PARP16: variants seen among roughly 807,000 people sequenced by gnomAD.
The protein encoded by PARP16 is protein mono-ADP-ribosyltransferase PARP16.
PARP16 carries 31 observed loss-of-function variants against 35.0 expected under a neutral mutation model. The ratio of observed to expected loss-of-function variants is 0.88; its 90% CI spans 0.66 to 1.19. The LOEUF is 1.19. PARP16 is among the 50% of genes most tolerant of loss of function. The probability of loss-of-function intolerance (pLI) is 0.00; values close to 1 mark genes in which losing one functional copy is unlikely to be tolerated. For synonymous variants in PARP16, 162 were observed against 169.5 expected (o/e 0.96, Z 0.34); for missense variants, 424 against 411.2 (o/e 1.03, Z -0.27).
intron 2 of PARP16, 78 bp from the exon 3 acceptor site, chr15:65,266,846 A>C: frequency 1.1e-5 from 11 of 1,004,908 alleles, no homozygotes; most frequent in Non-Finnish European, 1.4e-5. Context: ...CTAAACTCTC[A>C]GGCTTAACTC....
downstream of PARP16, among the ~76,000 whole-genome samples, chr15:65,254,401 C>A (rs765261657): frequency 2.6e-5 from 4 of 152,142 alleles, no homozygotes; most frequent in Non-Finnish European, 4.4e-5. Flanking sequence ...CCAGATCAGG[C>A]TAGAGGCAGC....
rs1057155467 is a variant in PARP16, at chr15:65,286,507, C to T, written c.-81G>A. Reference sequence around the variant, plus strand: ...GTGCGTTCAGCGCGGGGGCTGGGCCCGCGGACAATGGGCCGTCAGGGGCCG... The same window carrying T: ...GTGCGTTCAGCGCGGGGGCTGGGCCTGCGGACAATGGGCCGTCAGGGGCCG... On this transcript the variant is annotated 5_prime_UTR_variant, in exon 1 of 6. Transcript: ENST00000649807. 6 of 1,133,214 alleles carry T rather than the reference C, an allele frequency of 5.3e-6. No homozygotes were observed. The African/African-American group carries it at 6.6e-5, about 12-fold the overall frequency. The allele number at this position is 1,133,214 out of a possible 1,614,324, so 70.2% of individuals were successfully genotyped here. A position where few individuals can be genotyped will look rare whatever the true frequency, so the allele number is the denominator to read the frequency against.
At chr15:65,262,134 CTTT>C (rs958810685) in intron 4 of PARP16, among the ~76,000 whole-genome samples, 4 of 132,242 alleles carry the variant, frequency 3.0e-5, no homozygotes, top group Admixed American at 7.7e-5. Flanking sequence ...TTTTTTCTTT[CTTT>C]TTTTTTTTTT....
At chr15:65,261,175 C>A in intron 4 of PARP16, 149 bp from the exon 5 acceptor site, 4 of 578,332 alleles carry the variant, frequency 6.9e-6, no homozygotes, top group South Asian at 6.4e-5. Flanking sequence ...TGAAGCAGCA[C>A]TGAAAAAAAC....
rs200911696 is a variant in PARP16 at position 65,266,715 on chromosome 15, C to A, written c.366G>T (p.Pro122=). 5 of 1,613,906 alleles carry A rather than the reference C, an allele frequency of 3.1e-6. No individual in the cohort carries two copies. In the African/African-American group the frequency reaches 6.7e-5, roughly 22 times the overall value. The part of the protein sequence containing the change: ...TGAPHTPVPA[P]DFLFEIEYFD... ...AGTACTCAATTTCAAACAGGAAGTC[C>A]GGTGCAGGAACAGGCGTGTGAGGAG... Residue 122 remains proline (P), a synonymous_variant, in exon 3 of 6, where the codon CCG becomes CCT. Coordinates refer to ENST00000649807, the MANE Select transcript of PARP16 (RefSeq NM_001316943.2).
chr15:65,250,807 T>C (rs949880889), intron 2 of PARP16, among the ~76,000 whole-genome samples: 2 of 152,150 alleles, frequency 1.3e-5, no homozygotes, highest in African/African-American at 4.8e-5. Context: ...GGAGGCCCCT[T>C]GAGACTGAGG....
At chr15:65,241,595 T>C (rs2089082674) in intron 3 of PARP16, among the ~76,000 whole-genome samples, 1 of 152,202 alleles carries the variant, frequency 6.6e-6, no homozygotes, top group Non-Finnish European at 1.5e-5. Context: ...TTACATTTCT[T>C]ATAACCAAAG....
At chr15:65,252,929 G>A (rs547350555) in intron 2 of PARP16, among the ~76,000 whole-genome samples, 12 of 152,256 alleles carry the variant, frequency 7.9e-5, no homozygotes, top group Admixed American at 5.2e-4. Context: ...AGGAGTTTGA[G>A]ACCAGCCTGG....
At chr15:65,285,402 G>C (rs897680857) in intron 1 of PARP16, 1 of 213,622 alleles carries the variant, frequency 4.7e-6, no homozygotes. Context: ...GCCTCCCAAA[G>C]TGCTGGGATT....
intron 3 of PARP16, among the ~76,000 whole-genome samples, chr15:65,242,088 G>A (rs1454307858): frequency 1.3e-5 from 2 of 152,178 alleles, no homozygotes; most frequent in African/African-American, 4.8e-5. Flanking sequence ...TGTTTGCCAT[G>A]AGATATCCAG....
chr15:65,273,489 G>A lies in PARP16; in HGVS notation c.175-2417C>T, dbSNP rs539251220. On this transcript the variant is annotated intron_variant, in intron 1 of 5. Coordinates refer to ENST00000649807, the MANE Select transcript of PARP16 (RefSeq NM_001316943.2). ...GAGACCAGCTAGGGAAACACAGTGA[G>A]ATGGCTCTAAAAATAAATAAATGAA... 3.3e-5 allele frequency among the ~76,000 whole-genome samples: 5 copies of A among 152,110 alleles called. No homozygotes were observed. The South Asian group carries it at 1.0e-3, about 32-fold the overall frequency.
chr15:65,272,816 G>A (rs1275204750), intron 1 of PARP16, among the ~76,000 whole-genome samples: 5 of 152,108 alleles, frequency 3.3e-5, no homozygotes, highest in Admixed American at 2.6e-4. Context: ...TCTCTACCTC[G>A]CCAAGGGGTT....
At chr15:65,252,719 A>C (rs888422335) in intron 2 of PARP16, among the ~76,000 whole-genome samples, 1 of 152,158 alleles carries the variant, frequency 6.6e-6, no homozygotes, top group Non-Finnish European at 1.5e-5. Context: ...ACCCTCTCCT[A>C]ACTCATTACT....
chr15:65,256,695 C>T (rs1008561043), downstream of PARP16, among the ~76,000 whole-genome samples: 2 of 152,128 alleles, frequency 1.3e-5, no homozygotes, highest in African/African-American at 2.4e-5. Flanking sequence ...GCGTGAGCCA[C>T]CGCGCCCGGC....
In PARP16 at chr15:65,264,069, C is replaced by T. The variant is rs375997180; in HGVS notation, c.520-749G>A. 7.9e-5 allele frequency among the ~76,000 whole-genome samples: 12 copies of T among 152,098 alleles called. No individual in the cohort carries two copies. The East Asian group carries it at 1.2e-3, about 15-fold the overall frequency. Reference sequence around the variant, plus strand: ...GAAACTATAACAAAATGAGGGAGGCCGACATGCGGGGCAAGGTACGTTTTA... The same window carrying T: ...GAAACTATAACAAAATGAGGGAGGCTGACATGCGGGGCAAGGTACGTTTTA... On this transcript the variant is annotated intron_variant, in intron 3 of 5. Coordinates refer to ENST00000649807, the MANE Select transcript of PARP16 (RefSeq NM_001316943.2).
At chr15:65,281,691 C>CAAA (rs139769806) in intron 1 of PARP16, among the ~76,000 whole-genome samples, 6 of 115,702 alleles carry the variant, frequency 5.2e-5, no homozygotes, top group Non-Finnish European at 9.0e-5. Flanking sequence ...AACTCCATCT[C>CAAA]AAAAAAAAAA....
intron 1 of PARP16, among the ~76,000 whole-genome samples, chr15:65,273,963 T>A (rs893479751): frequency 1.3e-5 from 2 of 150,900 alleles, no homozygotes; most frequent in African/African-American, 4.9e-5. Flanking sequence ...AAAGAAAAAA[T>A]TTTTTTGGAG....
At chr15:65,281,607 C>T (rs1242144430) in intron 1 of PARP16, among the ~76,000 whole-genome samples, 1 of 151,362 alleles carries the variant, frequency 6.6e-6, no homozygotes, top group Non-Finnish European at 1.5e-5. Flanking sequence ...AGGAGAATCG[C>T]TTGAACCCAG....
rs763508089 is a variant in PARP16, at chr15:65,263,110, G to A, written c.691+39C>T. On this transcript the variant is annotated intron_variant, in intron 4 of 5. Transcript: ENST00000649807. ...CCAGCAAGAGCCTGTACACCCAACA[G>A]AGGCCTGTAGCCCAGGTCTGGACCA... The A allele has an allele frequency of 3.6e-5, 58 of 1,590,332 alleles. 1 individual carries two copies. In the Admixed American group the frequency reaches 9.9e-4, roughly 27 times the overall value.
Sources: allele counts gnomAD v4.1 joint callset (sites outside exome capture counted in the v4.1 genomes callset), GRCh38; gene constraint gnomAD v4.1.1; transcripts MANE v1.5; gene names NCBI Gene and HGNC (gene_info 2026-07-23, HGNC 2026-07-21).